PPP4R3B: variants seen among roughly 807,000 people sequenced by gnomAD.
PPP4R3B encodes the protein serine/threonine-protein phosphatase 4 regulatory subunit 3B.
A neutral mutation model predicts 95.4 loss-of-function variants in PPP4R3B; 52 were observed. That is an observed-to-expected ratio of 0.54 (90% CI 0.44 to 0.69). PPP4R3B has a LOEUF of 0.69. Among genes scored for constraint, PPP4R3B ranks in the 30% least tolerant of loss-of-function variants. The pLI is 0.00. For synonymous variants in PPP4R3B, 407 were observed against 343.9 expected (o/e 1.18, Z -2.03); for missense variants, 1,003 against 1,005.9 (o/e 1.00, Z 0.04).
rs370066372 is a variant in PPP4R3B at position 55,565,019 on chromosome 2, G to A, written c.1958C>T (p.Ala653Val). 1.6e-5 allele frequency: 26 copies of A among 1,597,064 alleles called. No individual in the cohort carries two copies. Among genetic ancestry groups the A allele is most frequent in the African/African-American group, 2.7e-5 (2 of 73,992 alleles). The change falls in exon 14 of 17, where the codon GCC (alanine) becomes GTC (valine). Residue 653 changes from alanine (A) to valine (V), a missense_variant. This residue lies in a region of PPP4R3B where 79 missense variants were observed against 124.9 expected (regional missense o/e 0.63). Transcript: ENST00000616407. ...TTTATAAAAGTTTTCAACTATATGG[G>A]CAGTAAGAGACTTGATATCTTCCTG... ...IRVEDIKSLT[A>V]HIVENFYKAL...
Position 55,588,868 on chromosome 2 carries a change from T to C in PPP4R3B, c.999+11A>G, listed in dbSNP as rs763623367. 1 of 1,588,474 alleles carries C rather than the reference T, an allele frequency of 6.3e-7. No homozygotes were observed. Among genetic ancestry groups the C allele is most frequent in the South Asian group, 1.1e-5 (1 of 88,320 alleles). On this transcript the variant is annotated intron_variant, in intron 5 of 16. Coordinates refer to ENST00000616407, the MANE Select transcript of PPP4R3B (RefSeq NM_001122964.3). Reference sequence around the variant, plus strand: ...TAAGTGCTCTTTAAGAGTTTGAATTTCATAACTTACCAATTCACGCCGTTT... The same window carrying C: ...TAAGTGCTCTTTAAGAGTTTGAATTCCATAACTTACCAATTCACGCCGTTT...
intron 8 of PPP4R3B, among the ~76,000 whole-genome samples, chr2:55,580,590 C>G (rs1334240323): frequency 1.3e-5 from 2 of 152,190 alleles, no homozygotes; most frequent in African/African-American, 4.8e-5. Flanking sequence ...CACTGAATCA[C>G]TTTATCAAGC....
Position 55,559,288 on chromosome 2 carries a change from G to C in PPP4R3B, c.2261-320C>G, listed in dbSNP as rs1193662382. ...TTGAACCTGGGAGGCAGAGGTTGTG[G>C]TGAGCCGAGATCGCACCACTGCACT... On this transcript the variant is annotated intron_variant, in intron 15 of 16. Coordinates refer to ENST00000616407, the MANE Select transcript of PPP4R3B (RefSeq NM_001122964.3). 2.0e-5 allele frequency among the ~76,000 whole-genome samples: 3 copies of C among 152,194 alleles called. No individual in the cohort carries two copies. The East Asian group carries it at 5.8e-4, about 29-fold the overall frequency.
intron 12 of PPP4R3B, 90 bp from the exon 13 acceptor site, chr2:55,568,453 G>T: frequency 9.7e-7 from 1 of 1,028,800 alleles, no homozygotes. Flanking sequence ...CAATGTATAT[G>T]CTCTTCTAAA....
At chr2:55,617,109 C>A (rs371734429) in intron 1 of PPP4R3B, 35 bp downstream of exon 1, 2 of 1,579,400 alleles carry the variant, frequency 1.3e-6, no homozygotes, top group South Asian at 1.1e-5. Context: ...CAACCAGAGG[C>A]ACTATCCCCT....
intron 4 of PPP4R3B, among the ~76,000 whole-genome samples, chr2:55,596,999 A>G (rs1348643851): frequency 6.6e-6 from 1 of 152,100 alleles, no homozygotes; most frequent in Non-Finnish European, 1.5e-5. Flanking sequence ...TGCATCATCG[A>G]TATATATAAT....
At chr2:55,575,338 T>C (rs1688542466) in intron 11 of PPP4R3B, among the ~76,000 whole-genome samples, 1 of 152,226 alleles carries the variant, frequency 6.6e-6, no homozygotes, top group Non-Finnish European at 1.5e-5. Flanking sequence ...GGTTGATACA[T>C]TCATGAAATG....
intron 3 of PPP4R3B, among the ~76,000 whole-genome samples, 169 bp downstream of exon 3, chr2:55,603,809 A>G (rs945432279): frequency 2.7e-4 from 41 of 152,226 alleles, no homozygotes; most frequent in African/African-American, 9.9e-4. Context: ...TTTTTAAAAA[A>G]CTTAAAGTAA....
chr2:55,554,890 C>A (rs1301223206), intron 16 of PPP4R3B, among the ~76,000 whole-genome samples: 1 of 152,080 alleles, frequency 6.6e-6, no homozygotes, highest in Non-Finnish European at 1.5e-5. Flanking sequence ...ACATTTGGAT[C>A]TTTTCATCCA....
chr2:55,568,424 G>A (rs927875949), intron 12 of PPP4R3B, 61 bp from the exon 13 acceptor site: 16 of 1,365,300 alleles, frequency 1.2e-5, no homozygotes, highest in African/African-American at 1.5e-5. Flanking sequence ...TATTATACAG[G>A]TGTTTTTCCA....
chr2:55,563,306 A>C (rs1404699493), intron 15 of PPP4R3B, among the ~76,000 whole-genome samples: 1 of 152,274 alleles, frequency 6.6e-6, no homozygotes, highest in Admixed American at 6.5e-5. Context: ...TGTCTTTAGA[A>C]AATGTCACAT....
Position 55,598,913 on chromosome 2 carries a change from G to C in PPP4R3B, c.424C>G (p.Leu142Val). 6.2e-7 allele frequency: 1 copy of C among 1,614,188 alleles called. No individual in the cohort carries two copies. The highest frequency in any genetic ancestry group is 1.3e-5 in the African/African-American group (1 of 75,044). ...GTAACTAAGTCAGCAATCTCTTCAA[G>C]TTTATTGAGTTCACATGTGGGCAGG... ...IDLPTCELNKLEEIADLVTSV... is the reference protein window; with the variant it reads ...IDLPTCELNKVEEIADLVTSV... Residue 142 changes from leucine to valine, a missense_variant, in exon 4 of 17, where the codon CTT (leucine) becomes GTT (valine). This residue lies in a region of PPP4R3B where 695 missense variants were observed against 686.2 expected (regional missense o/e 1.01). Coordinates refer to ENST00000616407, the MANE Select transcript of PPP4R3B (RefSeq NM_001122964.3).
At chr2:55,559,974 T>A (rs1417034935) in intron 15 of PPP4R3B, among the ~76,000 whole-genome samples, 1 of 152,024 alleles carries the variant, frequency 6.6e-6, no homozygotes, top group Non-Finnish European at 1.5e-5. Flanking sequence ...ATACAAAAAT[T>A]AGCTGGGGGT....
chr2:55,606,046 T>C (rs982932282), intron 2 of PPP4R3B, among the ~76,000 whole-genome samples: 41 of 150,562 alleles, frequency 2.7e-4, no homozygotes, highest in African/African-American at 8.8e-4. Flanking sequence ...AAGAAATAAA[T>C]AGAGCTACTC....
At chr2:55,606,103 C>A (rs1395379811) in intron 2 of PPP4R3B, among the ~76,000 whole-genome samples, 1 of 152,122 alleles carries the variant, frequency 6.6e-6, no homozygotes, top group Non-Finnish European at 1.5e-5. Flanking sequence ...AGGCTCCCTA[C>A]ATTCCCAAGT....
At chr2:55,565,899 A>C (rs1372300502) in intron 13 of PPP4R3B, 1 of 152,252 alleles carries the variant, frequency 6.6e-6, no homozygotes, top group Non-Finnish European at 1.5e-5. Flanking sequence ...AAATAATAAG[A>C]AGCAAAGACT....
intron 4 of PPP4R3B, among the ~76,000 whole-genome samples, chr2:55,593,816 T>A (rs1691368802): frequency 1.3e-5 from 2 of 152,024 alleles, no homozygotes; most frequent in Admixed American, 1.3e-4. Flanking sequence ...ACACAATTCA[T>A]ACCCAAAGGA....
In PPP4R3B at chr2:55,586,660, T is replaced by C. The variant is rs111686480; in HGVS notation, c.1074A>G (p.Thr358=). Residue 358 remains threonine, a synonymous_variant, in exon 6 of 17, where the codon ACA becomes ACG. Coordinates refer to ENST00000616407, the MANE Select transcript of PPP4R3B (RefSeq NM_001122964.3). ...QPQNRDAFFK[T]LAKLGILPAL... ...CAGGAAGAATTCCCAATTTTGCCAA[T>C]GTTTTGAAAAATGCATCCCTGTTTT... 3.7e-6 allele frequency: 6 copies of C among 1,610,118 alleles called. No homozygotes were observed. Among genetic ancestry groups the C allele is most frequent in the African/African-American group, 2.7e-5 (2 of 74,890 alleles).
intron 13 of PPP4R3B, among the ~76,000 whole-genome samples, chr2:55,567,398 T>C (rs1479019600): frequency 6.6e-6 from 1 of 152,190 alleles, no homozygotes; most frequent in Non-Finnish European, 1.5e-5. Flanking sequence ...CTTTTATGCA[T>C]GTTGTATTAA....
Sources: allele counts gnomAD v4.1 joint callset (sites outside exome capture counted in the v4.1 genomes callset), GRCh38; gene constraint gnomAD v4.1.1; regional missense constraint gnomAD v4.1.1; transcripts MANE v1.5; gene names NCBI Gene and HGNC (gene_info 2026-07-23, HGNC 2026-07-21).